Variants in DOCK3 observed in about 807,000 individuals in gnomAD.
DOCK3 encodes the protein dedicator of cytokinesis 3.
Under a neutral mutation model 265.6 loss-of-function variants are expected in DOCK3, and 60 were observed. The ratio of observed to expected loss-of-function variants is 0.23; its 90% CI spans 0.18 to 0.28. The LOEUF is 0.28. DOCK3 is among the 10% of genes least tolerant of loss of function. DOCK3 has a pLI of 1.00. For synonymous variants in DOCK3, 881 were observed against 938.0 expected, an observed-to-expected ratio of 0.94 and a Z score of 1.11; for missense variants, 1,981 against 2,594.3, an observed-to-expected ratio of 0.76 and a Z score of 5.14.
rs747786193 is a variant in DOCK3 at position 51,361,953 on chromosome 3, G to A, written c.5101G>A (p.Gly1701Ser). The A allele has an allele frequency of 3.4e-5, 55 of 1,611,374 alleles. No homozygotes were observed. The highest frequency in any genetic ancestry group is 1.8e-4 in the East Asian group (8 of 44,806). ...AGGAAACATGGTGATGCTGGGTGAC[G>A]GCTCCATGGGTGATGCTCCTGAGGA... ...EAGNMVMLGD[G>S]SMGDAPEDLY... Residue 1701 changes from glycine to serine, a missense_variant, in exon 48 of 53, where the codon GGC (glycine) becomes AGC (serine). Around this residue, in one of 4 missense-constraint regions of DOCK3, gnomAD observed 1,357 missense variants for 1,866.8 expected, o/e 0.73. Coordinates refer to ENST00000266037, the MANE Select transcript of DOCK3 (RefSeq NM_004947.5). The surrounding 1 kb of genome is among the most constrained non-coding windows in gnomAD (Gnocchi z 4.2).
chr3:50,980,715 G>C (rs9823942), intron 5 of DOCK3, among the ~76,000 whole-genome samples: 23 of 151,784 alleles, frequency 1.5e-4, no homozygotes, highest in Non-Finnish European at 3.1e-4. Flanking sequence ...GAATTTATCA[G>C]TTTTCTGTAG....
At chr3:50,811,220 T>C (rs2043737170) in intron 2 of DOCK3, among the ~76,000 whole-genome samples, 1 of 63,898 alleles carries the variant, frequency 1.6e-5, no homozygotes, top group Non-Finnish European at 4.6e-5. Context: ...AGAGACCCTG[T>C]CTCTATAAAA....
chr3:51,123,244 G>A (rs1023493981), intron 9 of DOCK3, among the ~76,000 whole-genome samples: 6 of 152,132 alleles, frequency 3.9e-5, no homozygotes, highest in Admixed American at 2.0e-4. Context: ...GAACTCACAA[G>A]GATTCCTGAG....
intron 35 of DOCK3, chr3:51,336,906 C>A (rs1560459919): frequency 2.2e-6 from 1 of 456,040 alleles, no homozygotes; most frequent in Non-Finnish European, 4.4e-6. Flanking sequence ...AATCTCACTG[C>A]CCTTCATGGG....
rs13314460 is a variant in DOCK3, at chr3:51,221,822, G to A, written c.1253-3827G>A. ...AAGGTCCTTCCTAAAGGAGAGACCC[G>A]TCATCAGGGCTACCCTCAGAAATAC... is the stretch of plus-strand genomic sequence containing the variant. On this transcript the variant is annotated intron_variant, in intron 14 of 52. Coordinates refer to ENST00000266037, the MANE Select transcript of DOCK3 (RefSeq NM_004947.5). 2.8e-3 allele frequency among the ~76,000 whole-genome samples: 419 copies of A among 152,196 alleles called. 1 individual carries two copies. Among genetic ancestry groups the A allele is most frequent in the African/African-American group, 9.6e-3 (399 of 41,516 alleles).
intron 5 of DOCK3, among the ~76,000 whole-genome samples, chr3:51,016,846 TATATATC>T (rs376899798): frequency 0.78 from 8,278 of 10,638 alleles, 3,952 homozygotes; most frequent in African/African-American, 0.8. Context: ...TATATGTTTA[TATATATC>T]ATATATAAAT....
At chr3:50,706,803 T>G (rs557368893) in intron 1 of DOCK3, among the ~76,000 whole-genome samples, 53 of 151,972 alleles carry the variant, frequency 3.5e-4, no homozygotes, top group Non-Finnish European at 1.9e-4. Flanking sequence ...TTTTTTTTGA[T>G]CTGACTTGGT....
intron 4 of DOCK3, among the ~76,000 whole-genome samples, chr3:50,924,836 A>C (rs1215037758): frequency 6.6e-6 from 1 of 152,216 alleles, no homozygotes; most frequent in East Asian, 1.9e-4. Context: ...AAACAGATTG[A>C]ATTTACAGGA....
chr3:50,743,302 C>T (rs2039194164), intron 1 of DOCK3, among the ~76,000 whole-genome samples: 1 of 152,074 alleles, frequency 6.6e-6, no homozygotes, highest in African/African-American at 2.4e-5. Flanking sequence ...GCAAAATAAC[C>T]AGCTAACATC....
chr3:51,277,266 C>A (rs2080865358), intron 25 of DOCK3, among the ~76,000 whole-genome samples: 1 of 152,232 alleles, frequency 6.6e-6, no homozygotes, highest in Admixed American at 6.5e-5. Context: ...GTTTTGCCTT[C>A]TCCTGACTAT....
chr3:51,143,259 GT>G (rs150547534), intron 9 of DOCK3, among the ~76,000 whole-genome samples: 1,529 of 147,652 alleles, frequency 0.01, 27 homozygotes, highest in African/African-American at 0.035. Context: ...TTTGTTTTCT[GT>G]TTTTTTTTTT....
At chr3:50,890,125 C>G in intron 4 of DOCK3, 44 bp downstream of exon 4, 3 of 1,359,354 alleles carry the variant, frequency 2.2e-6, no homozygotes, top group Non-Finnish European at 2.9e-6. Flanking sequence ...TTTTTATAGG[C>G]TACAGAGGAA....
At chr3:51,180,199 C>T (rs1401466380) in intron 12 of DOCK3, among the ~76,000 whole-genome samples, 1 of 117,586 alleles carries the variant, frequency 8.5e-6, no homozygotes, top group East Asian at 2.8e-4. Flanking sequence ...CAGCTCGAGA[C>T]CCTGTCTCAA....
chr3:50,973,182 C>T (rs2108488462), intron 5 of DOCK3, among the ~76,000 whole-genome samples: 1 of 146,104 alleles, frequency 6.8e-6, no homozygotes, highest in East Asian at 2.0e-4. Flanking sequence ...TATGTGTGCA[C>T]ATTGTGCAGG....
chr3:50,754,708 C>T (rs957060211), intron 1 of DOCK3, among the ~76,000 whole-genome samples: 3 of 151,684 alleles, frequency 2.0e-5, no homozygotes, highest in South Asian at 2.1e-4. Flanking sequence ...TACAGGTGTG[C>T]GCTACCACGC....
rs963108717 is a variant in DOCK3, at chr3:51,359,427, A to C, written c.4885-1084A>C. Among the ~76,000 whole-genome samples, 5 of 152,256 alleles carry C rather than the reference A, an allele frequency of 3.3e-5. No individual in the cohort carries two copies. The highest frequency in any genetic ancestry group is 6.5e-5 in the Admixed American group (1 of 15,290). ...TGGTATTTCAAGGTGAAATATGCAGAGAAGCTCTTTTACATCTCCGCCTTA... is the reference window on the plus strand; with the variant it reads ...TGGTATTTCAAGGTGAAATATGCAGCGAAGCTCTTTTACATCTCCGCCTTA... On this transcript the variant is annotated intron_variant, in intron 46 of 52. Coordinates refer to ENST00000266037, the MANE Select transcript of DOCK3 (RefSeq NM_004947.5). The surrounding 1 kb of genome is among the most constrained non-coding windows in gnomAD (Gnocchi z 4.8).
intron 27 of DOCK3, among the ~76,000 whole-genome samples, chr3:51,292,028 A>G (rs894412005): frequency 3.3e-5 from 5 of 152,230 alleles, no homozygotes; most frequent in African/African-American, 7.2e-5. Flanking sequence ...GGCAAAGCAT[A>G]TAAAAAATTC....
At chr3:50,875,163 T>C (rs1368623535) in intron 3 of DOCK3, among the ~76,000 whole-genome samples, 2 of 152,124 alleles carry the variant, frequency 1.3e-5, no homozygotes, top group South Asian at 2.1e-4. Flanking sequence ...CATGTATGCC[T>C]ATGTAACAAA....
At chr3:50,877,391 C>T (rs2107626696) in intron 3 of DOCK3, 1 of 517,992 alleles carries the variant, frequency 1.9e-6, no homozygotes, top group South Asian at 1.4e-5. Context: ...TGGTCAGGGT[C>T]AAGATTATAG....
Sources: gnomAD v4.1 joint callset for allele counts (sites outside exome capture counted in the v4.1 genomes callset) on GRCh38, gnomAD v4.1.1 for gene constraint, gnomAD v4.1.1 regional missense constraint, Gnocchi (gnomAD v3.1) non-coding constraint, MANE v1.5 for transcripts, NCBI Gene and HGNC (gene_info 2026-07-23, HGNC 2026-07-21) for gene names.